The following SEMA3D variants were observed in gnomAD, a reference collection of about 807,000 sequenced individuals.
SEMA3D encodes semaphorin-3D.
SEMA3D carries 84 observed loss-of-function variants against 100.1 expected under a neutral mutation model. The ratio of observed to expected loss-of-function variants is 0.84; its 90% confidence interval spans 0.70 to 1.01. The LOEUF (loss-of-function observed/expected upper bound fraction) is 1.01. Ranked by LOEUF, SEMA3D falls within the 50% of genes least tolerant of loss-of-function variation. The probability of loss-of-function intolerance (pLI) is 0.00; values close to 1 mark genes in which losing one functional copy is unlikely to be tolerated. For synonymous variants in SEMA3D, 312 were observed against 320.7 expected, an observed-to-expected ratio of 0.97 and a Z score of 0.29; for missense variants, 875 against 934.1, an observed-to-expected ratio of 0.94 and a Z score of 0.82.
At chr7:85,020,694 C>A (rs1790230673) in intron 13 of SEMA3D, among the ~76,000 whole-genome samples, 1 of 151,460 alleles carries the variant, frequency 6.6e-6, no homozygotes, top group South Asian at 2.1e-4. Flanking sequence ...TCTCTCTCTT[C>A]CTTCCATGTA....
intron 9 of SEMA3D, among the ~76,000 whole-genome samples, chr7:85,043,531 A>G (rs1790920403): frequency 6.6e-6 from 1 of 152,172 alleles, no homozygotes; most frequent in Non-Finnish European, 1.5e-5. Flanking sequence ...TCAATAATTC[A>G]GCATAAAAAT....
intron 10 of SEMA3D, chr7:85,041,403 A>T (rs944816487): frequency 6.6e-6 from 1 of 151,908 alleles, no homozygotes; most frequent in African/African-American, 2.4e-5. Flanking sequence ...GCTACCCCCA[A>T]ATTAGTGCCG....
the SEMA3D span, among the ~76,000 whole-genome samples, chr7:85,224,584 T>G: frequency 4.6e-5 from 7 of 152,202 alleles, no homozygotes; most frequent in Non-Finnish European, 8.8e-5. Context: ...GTTAGATGAA[T>G]GTGCATATTT....
At chr7:85,137,091 CT>C (rs1284398535) in intron 2 of SEMA3D, among the ~76,000 whole-genome samples, 1 of 151,798 alleles carries the variant, frequency 6.6e-6, no homozygotes, top group African/African-American at 2.4e-5. Context: ...AGAGATTAAC[CT>C]TTTTGACTTA....
At chr7:85,128,852 A>G (rs1789637948) in intron 2 of SEMA3D, among the ~76,000 whole-genome samples, 1 of 149,776 alleles carries the variant, frequency 6.7e-6, no homozygotes, top group South Asian at 2.1e-4. Context: ...AAAGCAATAC[A>G]GATATTTTTA....
chr7:85,233,816 C>T, the SEMA3D span, among the ~76,000 whole-genome samples: 2 of 152,058 alleles, frequency 1.3e-5, no homozygotes, highest in Admixed American at 1.3e-4. Context: ...AAAATGTTTT[C>T]GTTGTGAAAG....
the SEMA3D span, among the ~76,000 whole-genome samples, chr7:85,230,230 T>A: frequency 6.6e-6 from 1 of 152,338 alleles, no homozygotes; most frequent in Admixed American, 6.5e-5. Context: ...CTCAGCTTTT[T>A]AGAGGCTTTC....
intron 1 of SEMA3D, among the ~76,000 whole-genome samples, chr7:85,183,772 T>A (rs1321324460): frequency 6.6e-6 from 1 of 152,198 alleles, no homozygotes; most frequent in Non-Finnish European, 1.5e-5. Context: ...CATTTTACAT[T>A]GCCAGATACT....
intron 18 of SEMA3D, among the ~76,000 whole-genome samples, chr7:85,000,544 C>T (rs1024985415): frequency 6.6e-6 from 1 of 152,126 alleles, no homozygotes; most frequent in Non-Finnish European, 1.5e-5. Flanking sequence ...AGCTGAATTT[C>T]TCTCTTTGCT....
intron 1 of SEMA3D, among the ~76,000 whole-genome samples, chr7:85,179,994 T>C (rs1321594193): frequency 6.6e-6 from 1 of 152,140 alleles, no homozygotes; most frequent in Non-Finnish European, 1.5e-5. Context: ...CTGAAATGAG[T>C]TAAGACTTTG....
the SEMA3D span, among the ~76,000 whole-genome samples, chr7:85,233,955 C>T: frequency 6.6e-6 from 1 of 152,166 alleles, no homozygotes; most frequent in East Asian, 1.9e-4. Context: ...ATCAGGATAA[C>T]TGTCTATAAC....
intron 3 of SEMA3D, among the ~76,000 whole-genome samples, chr7:85,110,467 T>C (rs767428236): frequency 6.6e-6 from 1 of 151,984 alleles, no homozygotes; most frequent in Admixed American, 6.6e-5. Context: ...TAAACATATA[T>C]AGTGCCTACA....
At chr7:85,058,604 T>C (rs952571359) in intron 8 of SEMA3D, among the ~76,000 whole-genome samples, 1 of 151,460 alleles carries the variant, frequency 6.6e-6, no homozygotes, top group Non-Finnish European at 1.5e-5. Context: ...AAAAATTAGC[T>C]GGGCGTGGTG....
chr7:85,110,483 T>C (rs1583932750), intron 3 of SEMA3D, among the ~76,000 whole-genome samples: 1 of 152,098 alleles, frequency 6.6e-6, no homozygotes, highest in East Asian at 1.9e-4. Flanking sequence ...CTACAGCCTG[T>C]ATCATATCAT....
chr7:85,160,322 G>T (rs951958884), intron 1 of SEMA3D, among the ~76,000 whole-genome samples: 1 of 151,866 alleles, frequency 6.6e-6, no homozygotes, highest in Non-Finnish European at 1.5e-5. Context: ...GGAAGATAAT[G>T]GGTCTGATGA....
chr7:85,110,356 G>A (rs1004467220), intron 3 of SEMA3D, among the ~76,000 whole-genome samples: 5 of 152,020 alleles, frequency 3.3e-5, no homozygotes, highest in African/African-American at 1.2e-4. Context: ...AGTGGGCTTA[G>A]ATCTGAACAT....
intron 2 of SEMA3D, among the ~76,000 whole-genome samples, chr7:85,129,992 G>C (rs567458085): frequency 1.3e-5 from 2 of 152,022 alleles, no homozygotes; most frequent in Admixed American, 1.3e-4. Flanking sequence ...TTTTAAAAAA[G>C]ATGTGCTAAA....
At chr7:85,201,743 G>T in the SEMA3D span, among the ~76,000 whole-genome samples, 2 of 151,028 alleles carry the variant, frequency 1.3e-5, no homozygotes, top group Admixed American at 6.6e-5. Context: ...TTCAGAGAGG[G>T]TCTCTCTCTC....
chr7:85,192,397 CTTAAAG>C, the SEMA3D span, among the ~76,000 whole-genome samples: 27 of 151,920 alleles, frequency 1.8e-4, no homozygotes, highest in African/African-American at 6.3e-4. Flanking sequence ...GACAATGAAA[CTTAAAG>C]TTAAGCGACT....
Sources: allele counts gnomAD v4.1 joint callset (sites outside exome capture counted in the v4.1 genomes callset), GRCh38; gene constraint gnomAD v4.1.1; transcripts MANE v1.5; gene names NCBI Gene and HGNC (gene_info 2026-07-23, HGNC 2026-07-21).